The following AOC2 variants were observed in gnomAD, a reference collection of about 807,000 sequenced individuals.
The protein encoded by AOC2 is amine oxidase [copper-containing] 2.
AOC2 carries 57 observed loss-of-function variants against 53.8 expected under a neutral mutation model. The ratio of observed to expected loss-of-function variants is 1.06; its 90% CI spans 0.86 to 1.32. The LOEUF is 1.32. Among genes scored for constraint, AOC2 ranks in the 40% most tolerant of loss-of-function variants. AOC2 has a pLI of 0.00. For synonymous variants in AOC2, 404 were observed against 399.0 expected (o/e 1.01, Z -0.15); for missense variants, 1,008 against 957.2 (o/e 1.05, Z -0.70).
At position 42,846,652 on chromosome 17, in the gene AOC2, C is replaced by A. The variant is rs3744237; in HGVS notation, c.1588+438C>A. Among the ~76,000 whole-genome samples the A allele has an allele frequency of 7.2e-5, 11 of 152,174 alleles. 1 individual carries two copies. In the East Asian group the frequency reaches 2.1e-3, roughly 29 times the overall value. On this transcript the variant is annotated intron_variant, in intron 1 of 3. Coordinates refer to ENST00000253799, the MANE Select transcript of AOC2 (RefSeq NM_009590.4). ...TCGGAAGAAGTCTGTCCAGAGTCTTCAGGGTGGGGGTCGACCTGGGGCTTA... is the reference window on the plus strand; with the variant it reads ...TCGGAAGAAGTCTGTCCAGAGTCTTAAGGGTGGGGGTCGACCTGGGGCTTA...
In AOC2 at chr17:42,849,264, G is replaced by C. The variant is rs764402705; in HGVS notation, c.1767G>C (p.Gln589His). 3 of 1,614,170 alleles carry C rather than the reference G, an allele frequency of 1.9e-6. No individual in the cohort carries two copies. Among genetic ancestry groups the C allele is most frequent in the Non-Finnish European group, 2.5e-6 (3 of 1,180,038 alleles). ...GCTACCTCTACCTGGCTAGCAACCA[G>C]ACTAATGCGTGGGGTCACCAGCGCG... ...LPRYLYLASN[Q>H]TNAWGHQRGY... is the part of the protein sequence containing the mutation. The change falls in exon 2 of 4, where the codon CAG (glutamine) becomes CAC (histidine). Residue 589 changes from glutamine to histidine, a missense_variant. By Grantham distance (24) the Gln-to-His change is conservative. Transcript: ENST00000253799.
rs1399651067 is a variant in AOC2 at position 42,845,858 on chromosome 17, T to C, written c.1232T>C (p.Val411Ala). ...QATMVDIHIL[V>A]GKGAVQLLPG... ...ACGATGGTGGACATCCATATATTAG[T>C]GGGCAAAGGGGCAGTCCAGCTGCTT... Residue 411 changes from valine to alanine, a missense_variant, in exon 1 of 4, where the codon GTG (valine) becomes GCG (alanine). By Grantham distance (64) the Val-to-Ala change is moderately conservative (BLOSUM62 0). Transcript: ENST00000253799. 10 of 1,613,916 alleles carry C rather than the reference T, an allele frequency of 6.2e-6. No individual in the cohort carries two copies. Among genetic ancestry groups the C allele is most frequent in the Non-Finnish European group, 5.1e-6 (6 of 1,180,024 alleles).
chr17:42,845,546 C>A lies in AOC2; in HGVS notation c.920C>A (p.Pro307His), dbSNP rs759545189. ...RSRNSPGPLP[P>H]LQFSPQGSQY... The stretch of plus-strand genomic sequence containing the variant: ...CGGAACTCTCCAGGTCCTCTTCCCC[C>A]TCTTCAGTTCTCGCCCCAGGGTTCC... The change falls in exon 1 of 4, where the codon CCT becomes CAT. Residue 307 changes from proline (P) to histidine (H), a missense_variant. By Grantham distance (77) the Pro-to-His change is moderately conservative. Coordinates refer to ENST00000253799, the MANE Select transcript of AOC2 (RefSeq NM_009590.4). The A allele has an allele frequency of 3.7e-6, 6 of 1,614,128 alleles. No individual in the cohort carries two copies. In the Admixed American group the frequency reaches 6.7e-5, roughly 18 times the overall value.
In AOC2 at chr17:42,850,212, C is replaced by T. The variant is rs775615898; in HGVS notation, c.2135C>T (p.Ser712Phe). ...RPYNFFDEDP[S>F]IFSPGSVYFE... ...TATAACTTCTTTGATGAGGACCCCT[C>T]CATCTTCTCCCCTGGCAGTGTCTAC... is the stretch of plus-strand genomic sequence containing the variant. The change falls in exon 4 of 4, where the codon TCC becomes TTC. Residue 712 changes from serine (S) to phenylalanine (F), a missense_variant. By Grantham distance (155) the Ser-to-Phe change is radical. Transcript: ENST00000253799. 2 of 1,614,178 alleles carry T rather than the reference C, an allele frequency of 1.2e-6. No individual in the cohort carries two copies. The highest frequency in any genetic ancestry group is 4.5e-5 in the East Asian group (2 of 44,880).
Position 42,850,422 on chromosome 17 carries a change from T to C in AOC2, c.*74T>C. On this transcript the variant is annotated 3_prime_UTR_variant, in exon 4 of 4. Coordinates refer to ENST00000253799, the MANE Select transcript of AOC2 (RefSeq NM_009590.4). ...GTTTCTACTTTCTATTCTCCGTGTT[T>C]TTATCACACCTGCTCCCCAGATTCC... 1 of 1,494,260 alleles carries C rather than the reference T, an allele frequency of 6.7e-7. No homozygotes were observed. Among genetic ancestry groups the C allele is most frequent in the Non-Finnish European group, 8.9e-7 (1 of 1,120,874 alleles). 92.6% of individuals were successfully genotyped at this position (1,494,260 alleles called of 1,614,324 possible). A position where few individuals can be genotyped will look rare whatever the true frequency, so the allele number is the denominator to read the frequency against.
At chr17:42,849,552 A>T (rs752530143) in intron 2 of AOC2, 49 bp from the exon 3 acceptor site, 3 of 1,613,928 alleles carry the variant, frequency 1.9e-6, no homozygotes, top group South Asian at 2.2e-5. Flanking sequence ...CTGGGCCAGT[A>T]AAGGCACTTG....
rs2055584349 is a variant in AOC2, at chr17:42,845,231, T to C, written c.605T>C (p.Leu202Pro). 1 of 1,613,952 alleles carries C rather than the reference T, an allele frequency of 6.2e-7. No individual in the cohort carries two copies. The highest frequency in any genetic ancestry group is 1.3e-5 in the African/African-American group (1 of 74,938). The change falls in exon 1 of 4, where the codon CTG becomes CCG. Residue 202 changes from leucine (L) to proline (P), a missense_variant. By Grantham distance (98) the Leu-to-Pro change is moderately conservative. Coordinates refer to ENST00000253799, the MANE Select transcript of AOC2 (RefSeq NM_009590.4). ...ACCTTCAACTACAATGGCTCTACCCTGGCAGCTGTGCATGCCACCCCTCGG... is the reference window on the plus strand; with the variant it reads ...ACCTTCAACTACAATGGCTCTACCCCGGCAGCTGTGCATGCCACCCCTCGG... Reference protein sequence around the residue: ...SSTFNYNGSTLAAVHATPRGL... With the variant: ...SSTFNYNGSTPAAVHATPRGL...
At chr17:42,846,267 G>A (rs780507701) in intron 1 of AOC2, 53 bp downstream of exon 1, 46 of 1,485,960 alleles carry the variant, frequency 3.1e-5, no homozygotes, top group Non-Finnish European at 3.8e-5. Flanking sequence ...CAGGTGGGGT[G>A]GAGGGAAGGG....
rs2055591540 is a variant in AOC2, at chr17:42,845,667, G to A, written c.1041G>A (p.Arg347=). 6.2e-7 allele frequency: 1 copy of A among 1,614,188 alleles called. No homozygotes were observed. The highest frequency in any genetic ancestry group is 8.5e-7 in the Non-Finnish European group (1 of 1,180,032). ...VFSGLRIFDV[R]FQGERIAYEV... ...GCGGCCTGAGGATTTTTGATGTTCG[G>A]TTCCAGGGTGAGCGAATAGCCTATG... is the stretch of plus-strand genomic sequence containing the variant. The change falls in exon 1 of 4, where the codon CGG becomes CGA. Residue 347 remains arginine (R), a synonymous_variant. Coordinates refer to ENST00000253799, the MANE Select transcript of AOC2 (RefSeq NM_009590.4).
intron 1 of AOC2, among the ~76,000 whole-genome samples, chr17:42,846,475 CTAGTT>C (rs2055600558): frequency 6.6e-6 from 1 of 152,170 alleles, no homozygotes; most frequent in Non-Finnish European, 1.5e-5. Context: ...GATTGTGAAA[CTAGTT>C]TAAATGTAAT....
In AOC2 at chr17:42,849,690, C is replaced by T. The variant is rs897971981; in HGVS notation, c.1964C>T (p.Thr655Ile). 1.2e-6 allele frequency: 2 copies of T among 1,614,132 alleles called. No homozygotes were observed. The highest frequency in any genetic ancestry group is 1.3e-5 in the African/African-American group (1 of 74,946). The change falls in exon 3 of 4, where the codon ACC becomes ATC. Residue 655 changes from threonine to isoleucine, a missense_variant. Thr to Ile is a moderately conservative substitution (Grantham distance 89). Transcript: ENST00000253799. ...HQNDIWTPTV[T>I]FADFINNETL... ...AATGACATCTGGACACCCACAGTTACCTTTGCTGACTTCATCAACAATGAA... is the reference window on the plus strand; with the variant it reads ...AATGACATCTGGACACCCACAGTTATCTTTGCTGACTTCATCAACAATGAA...
At position 42,850,063 on chromosome 17, in the gene AOC2, C is replaced by T. The variant is rs1315254170; in HGVS notation, c.2005-19C>T. ...GGGTCACGCTTCCATAGTCCTCCAGCTCCTCCTTCTTCTTGCAGGATCTGG... is the reference window on the plus strand; with the variant it reads ...GGGTCACGCTTCCATAGTCCTCCAGTTCCTCCTTCTTCTTGCAGGATCTGG... On this transcript the variant is annotated intron_variant, in intron 3 of 3. Coordinates refer to ENST00000253799, the MANE Select transcript of AOC2 (RefSeq NM_009590.4). The T allele has an allele frequency of 6.2e-7, 1 of 1,609,692 alleles. No homozygotes were observed. Among genetic ancestry groups the T allele is most frequent in the Non-Finnish European group, 8.5e-7 (1 of 1,176,814 alleles).
At position 42,845,650 on chromosome 17, in the gene AOC2, A is replaced by G. The variant is rs772829751; in HGVS notation, c.1024A>G (p.Arg342Gly). The change falls in exon 1 of 4, where the codon AGG becomes GGG. Residue 342 changes from arginine to glycine, a missense_variant. Physicochemically the swap from Arg to Gly is moderately radical, Grantham distance 125. Coordinates refer to ENST00000253799, the MANE Select transcript of AOC2 (RefSeq NM_009590.4). ...TGGCCATGGGGTGTTCAGCGGCCTGAGGATTTTTGATGTTCGGTTCCAGGG... is the reference window on the plus strand; with the variant it reads ...TGGCCATGGGGTGTTCAGCGGCCTGGGGATTTTTGATGTTCGGTTCCAGGG... ...TFGHGVFSGL[R>G]IFDVRFQGER... 5 of 1,614,166 alleles carry G rather than the reference A, an allele frequency of 3.1e-6. No homozygotes were observed. The highest frequency in any genetic ancestry group is 2.2e-5 in the South Asian group (2 of 91,078).
At position 42,850,443 on chromosome 17, in the gene AOC2, A is replaced by G; in HGVS notation, c.*95A>G. 7.0e-7 allele frequency: 1 copy of G among 1,428,370 alleles called. No individual in the cohort carries two copies. Among genetic ancestry groups the G allele is most frequent in the Middle Eastern group, 1.9e-4 (1 of 5,398 alleles). 88.5% of individuals were successfully genotyped at this position (1,428,370 alleles called of 1,614,324 possible). On this transcript the variant is annotated 3_prime_UTR_variant, in exon 4 of 4. Coordinates refer to ENST00000253799, the MANE Select transcript of AOC2 (RefSeq NM_009590.4). ...TGTTTTTATCACACCTGCTCCCCAGATTCCCACCCCCTCAATGTTCCTCTC... is the reference window on the plus strand; with the variant it reads ...TGTTTTTATCACACCTGCTCCCCAGGTTCCCACCCCCTCAATGTTCCTCTC...
chr17:42,845,127 G>A lies in AOC2; in HGVS notation c.501G>A (p.Val167=), dbSNP rs536777494. The change falls in exon 1 of 4, where the codon GTG becomes GTA. Residue 167 remains valine, a synonymous_variant. Transcript: ENST00000253799. ...GGPLPYHRRP[V]LRAEFTQMWR... ...CCCTGCCCTATCACCGTCGCCCGGT[G>A]CTGAGAGCTGAGTTTACACAGATGT... 4 of 1,613,784 alleles carry A rather than the reference G, an allele frequency of 2.5e-6. No individual in the cohort carries two copies. Among genetic ancestry groups the A allele is most frequent in the Admixed American group, 1.7e-5 (1 of 60,026 alleles).
chr17:42,849,690 C>A lies in AOC2; in HGVS notation c.1964C>A (p.Thr655Asn), dbSNP rs897971981. 4.3e-6 allele frequency: 7 copies of A among 1,614,132 alleles called. No individual in the cohort carries two copies. In the African/African-American group the frequency reaches 6.7e-5, roughly 15 times the overall value. The change falls in exon 3 of 4, where the codon ACC becomes AAC. Residue 655 changes from threonine (T) to asparagine (N), a missense_variant. Coordinates refer to ENST00000253799, the MANE Select transcript of AOC2 (RefSeq NM_009590.4). ...HQNDIWTPTV[T>N]FADFINNETL... is the part of the protein sequence containing the mutation. The stretch of plus-strand genomic sequence containing the variant: ...AATGACATCTGGACACCCACAGTTA[C>A]CTTTGCTGACTTCATCAACAATGAA...
rs34153428 is a variant in AOC2, at chr17:42,847,419, AC to A, written c.1588+1206del. Among the ~76,000 whole-genome samples, 1,493 of 152,336 alleles carry A rather than the reference AC, an allele frequency of 9.8e-3. 13 individuals carry two copies. The highest frequency in any genetic ancestry group is 0.019 in the African/African-American group (777 of 41,582). ...CCTTCATATAGGTCTCGTTGAACTTACAGTCCAGACCTGCAGAAAGTGTATG... is the reference window on the plus strand; with the variant it reads ...CCTTCATATAGGTCTCGTTGAACTTAAGTCCAGACCTGCAGAAAGTGTATG... On this transcript the variant is annotated intron_variant, in intron 1 of 3. Transcript: ENST00000253799.
Position 42,850,075 on chromosome 17 carries a change from C to G in AOC2, c.2005-7C>G, listed in dbSNP as rs376489968. ...CATAGTCCTCCAGCTCCTCCTTCTT[C>G]TTGCAGGATCTGGTGGCTTGGGTCA... On this transcript the variant is annotated splice_polypyrimidine_tract_variant and splice_region_variant and intron_variant, in intron 3 of 3. Coordinates refer to ENST00000253799, the MANE Select transcript of AOC2 (RefSeq NM_009590.4). 1.9e-6 allele frequency: 3 copies of G among 1,611,328 alleles called. No individual in the cohort carries two copies. The African/African-American group carries it at 4.0e-5, about 22-fold the overall frequency.
chr17:42,845,169 G>A lies in AOC2; in HGVS notation c.543G>A (p.Glu181=). 1 of 1,613,828 alleles carries A rather than the reference G, an allele frequency of 6.2e-7. No individual in the cohort carries two copies. Among genetic ancestry groups the A allele is most frequent in the Admixed American group, 1.7e-5 (1 of 60,032 alleles). ...CACAGATGTGGAGGCATCTGAAAGA[G>A]GTGGAGCTACCCAAGGCACCCATCT... ...EFTQMWRHLK[E]VELPKAPIFL... Residue 181 remains glutamate, a synonymous_variant, in exon 1 of 4, where the codon GAG becomes GAA. Coordinates refer to ENST00000253799, the MANE Select transcript of AOC2 (RefSeq NM_009590.4).
Sources: allele counts gnomAD v4.1 joint callset (sites outside exome capture counted in the v4.1 genomes callset), GRCh38; gene constraint gnomAD v4.1.1; transcripts MANE v1.5; gene names NCBI Gene and HGNC (gene_info 2026-07-23, HGNC 2026-07-21).